DOP1A: variants seen among roughly 807,000 people sequenced by gnomAD.
DOP1A encodes protein DOP1A.
A neutral mutation model predicts 267.6 loss-of-function variants in DOP1A; 90 were observed. That is an observed-to-expected ratio of 0.34 (90% CI 0.28 to 0.40). The LOEUF (loss-of-function observed/expected upper bound fraction) is 0.40, where lower values mean the gene tolerates loss of function less well. Ranked by LOEUF, DOP1A falls within the 10% of genes least tolerant of loss-of-function variation. DOP1A has a pLI of 1.00. For synonymous variants in DOP1A, 932 were observed against 999.1 expected (o/e 0.93, Z 1.27); for missense variants, 2,437 against 2,900.4 (o/e 0.84, Z 3.67).
chr6:83,121,031 T>C (rs1776294968), intron 10 of DOP1A, among the ~76,000 whole-genome samples: 1 of 151,876 alleles, frequency 6.6e-6, no homozygotes, highest in East Asian at 1.9e-4. Flanking sequence ...AGATGCTATC[T>C]AAGCTTCTCT....
At chr6:83,119,234 C>G (rs1775955983) in intron 8 of DOP1A, among the ~76,000 whole-genome samples, 1 of 152,064 alleles carries the variant, frequency 6.6e-6, no homozygotes, top group African/African-American at 2.4e-5. Flanking sequence ...TGTTTTTCCC[C>G]TTACAAATTG....
chr6:83,124,640 G>T, intron 12 of DOP1A, 65 bp from the exon 13 acceptor site: 1 of 1,130,210 alleles, frequency 8.8e-7, no homozygotes, highest in South Asian at 1.3e-5. Flanking sequence ...GAAGGATGAT[G>T]ATGCTGTCAC....
At chr6:83,104,143 T>G (rs182054470) in intron 4 of DOP1A, among the ~76,000 whole-genome samples, 1 of 152,218 alleles carries the variant, frequency 6.6e-6, no homozygotes, top group African/African-American at 2.4e-5. Flanking sequence ...GGTGTTTTTC[T>G]GTATTGACAT....
At position 83,162,877 on chromosome 6, in the gene DOP1A, T is replaced by G. The variant is rs1189398080; in HGVS notation, c.7050T>G (p.Pro2350=). ...GTATACATCAACGAGAATTTAAACC[T>G]TACGTGGTACGACTAGCAAAACTTC... ...RQGIHQREFK[P]YVVRLAKLLR... Residue 2350 remains proline (P), a synonymous_variant, in exon 38 of 39, where the codon CCT becomes CCG. Transcript: ENST00000349129. The G allele has an allele frequency of 6.2e-7, 1 of 1,613,288 alleles. No homozygotes were observed. Among genetic ancestry groups the G allele is most frequent in the Non-Finnish European group, 8.5e-7 (1 of 1,179,530 alleles).
intron 4 of DOP1A, among the ~76,000 whole-genome samples, chr6:83,106,402 T>C (rs1480328565): frequency 6.6e-6 from 1 of 152,188 alleles, no homozygotes; most frequent in African/African-American, 2.4e-5. Flanking sequence ...CCTAGGTACA[T>C]TGTAAATAAC....
At chr6:83,107,233 C>T (rs975020175) in intron 4 of DOP1A, among the ~76,000 whole-genome samples, 3 of 150,800 alleles carry the variant, frequency 2.0e-5, no homozygotes, top group African/African-American at 7.3e-5. Context: ...GATGTCAGTT[C>T]GGAAAGAAAA....
downstream of DOP1A, chr6:83,168,491 T>C (rs1786389631): frequency 9.8e-7 from 1 of 1,023,484 alleles, no homozygotes; most frequent in Non-Finnish European, 1.2e-6. Context: ...CAGACTTGGT[T>C]CAATTAAGAT....
rs745461976 is a variant in DOP1A at position 83,120,813 on chromosome 6, C to CA, written c.1099+23dup. 9.7e-6 allele frequency: 14 copies of CA among 1,443,902 alleles called. No homozygotes were observed. In the African/African-American group the frequency reaches 1.8e-4, roughly 19 times the overall value. The allele number at this position is 1,443,902 out of a possible 1,614,324, so 89.4% of individuals were successfully genotyped here. On this transcript the variant is annotated intron_variant, in intron 10 of 38. Coordinates refer to ENST00000349129, the MANE Select transcript of DOP1A (RefSeq NM_015018.4). ...CTAGGTAATGTATACTGTCCTAGGG[C>CA]ATAAGGTCATGTGTGGTACTTTTGT...
At chr6:83,073,434 T>C (rs1785951449) in intron 1 of DOP1A, among the ~76,000 whole-genome samples, 1 of 152,088 alleles carries the variant, frequency 6.6e-6, no homozygotes, top group Non-Finnish European at 1.5e-5. Flanking sequence ...AAACAAAATA[T>C]GGCCTCTGAC....
At chr6:83,170,200 A>G, downstream of DOP1A, 1 of 1,040,760 alleles carries the variant, frequency 9.6e-7, no homozygotes, top group Non-Finnish European at 1.4e-6. Flanking sequence ...GGCTCAACAA[A>G]ATAAAGCCTT....
intron 38 of DOP1A, 157 bp from the exon 39 acceptor site, chr6:83,167,705 C>T (rs1786120020): frequency 7.2e-7 from 1 of 1,397,354 alleles, no homozygotes; most frequent in Non-Finnish European, 9.3e-7. Flanking sequence ...TAAAAGGTCT[C>T]AGAAGCACCA....
rs1272419032 is a variant in DOP1A, at chr6:83,120,701, C to G, written c.1009C>G (p.Gln337Glu). 6.3e-7 allele frequency: 1 copy of G among 1,580,890 alleles called. No homozygotes were observed. The highest frequency in any genetic ancestry group is 1.7e-5 in the Admixed American group (1 of 59,750). Residue 337 changes from glutamine to glutamate, a missense_variant, in exon 10 of 39, where the codon CAA becomes GAA. Gln to Glu is a conservative substitution (Grantham distance 29). This residue lies in a region of DOP1A where 498 missense variants were observed against 513.5 expected (regional missense o/e 0.97). Coordinates refer to ENST00000349129, the MANE Select transcript of DOP1A (RefSeq NM_015018.4). The stretch of plus-strand genomic sequence containing the variant: ...TTTAAAGGCAATGGTGGGAATCTTA[C>G]AAGTGAATGGATTTGGAGAAGAGAA... The part of the protein sequence containing the change: ...LLVQAMVGIL[Q>E]VNGFGEENTL...
intron 1 of DOP1A, among the ~76,000 whole-genome samples, chr6:83,070,723 A>G (rs1334003473): frequency 2.8e-5 from 1 of 35,792 alleles, no homozygotes; most frequent in Admixed American, 3.6e-4. Context: ...TTTCCTTTTC[A>G]CATTTTTTTT....
chr6:83,169,152 A>C (rs946014530), downstream of DOP1A: 1 of 1,568,502 alleles, frequency 6.4e-7, no homozygotes, highest in African/African-American at 1.4e-5. Context: ...ATGATTATAA[A>C]TCTCTTAGTA....
At chr6:83,113,299 A>G in intron 6 of DOP1A, 24 bp from the exon 7 acceptor site, 1 of 1,583,366 alleles carries the variant, frequency 6.3e-7, no homozygotes, top group Non-Finnish European at 8.7e-7. Context: ...TAGACAATAG[A>G]TGTTAAAGAT....
intron 23 of DOP1A, among the ~76,000 whole-genome samples, chr6:83,141,533 T>G (rs1014682639): frequency 2.0e-5 from 3 of 152,226 alleles, no homozygotes; most frequent in Non-Finnish European, 2.9e-5. Flanking sequence ...TTTTGATGCT[T>G]GGATTAAACT....
At chr6:83,099,500 T>C (rs1772142019) in intron 3 of DOP1A, among the ~76,000 whole-genome samples, 1 of 152,188 alleles carries the variant, frequency 6.6e-6, no homozygotes, top group African/African-American at 2.4e-5. Flanking sequence ...GGAACTCTTT[T>C]TAAAGGCAAG....
At chr6:83,170,707 A>C (rs1274802185), downstream of DOP1A, 4 of 447,116 alleles carry the variant, frequency 8.9e-6, no homozygotes, top group Non-Finnish European at 1.6e-5. Flanking sequence ...GCTTAGAGTT[A>C]CCACTAAGAT....
intron 24 of DOP1A, 94 bp from the exon 25 acceptor site, chr6:83,145,430 T>TA (rs1780487858): frequency 3.5e-6 from 4 of 1,143,918 alleles, no homozygotes; most frequent in Non-Finnish European, 3.6e-6. Context: ...TTAAAAAATA[T>TA]AAAAAAAGAA....
Sources: gnomAD v4.1 joint callset for allele counts (sites outside exome capture counted in the v4.1 genomes callset) on GRCh38, gnomAD v4.1.1 for gene constraint, gnomAD v4.1.1 regional missense constraint, MANE v1.5 for transcripts, NCBI Gene and HGNC (gene_info 2026-07-23, HGNC 2026-07-21) for gene names.